Variants in SEM1 observed in about 807,000 individuals in gnomAD.
SEM1 encodes the protein 26S proteasome complex subunit SEM1.
Under a neutral mutation model 12.7 loss-of-function variants are expected in SEM1, and 3 were observed. The ratio of observed to expected loss-of-function variants is 0.24; its 90% confidence interval spans 0.11 to 0.61. The LOEUF (loss-of-function observed/expected upper bound fraction) is 0.61, where lower values mean the gene tolerates loss of function less well. Ranked by LOEUF, SEM1 falls within the 20% of genes least tolerant of loss-of-function variation. SEM1 has a pLI of 0.88. For missense variants in SEM1, 59 were observed against 81.3 expected, an observed-to-expected ratio of 0.73 and a Z score of 1.06; for synonymous variants, 30 against 27.8, an observed-to-expected ratio of 1.08 and a Z score of -0.25.
chr7:96,582,838 T>G (rs1448743792), intron 2 of SEM1, among the ~76,000 whole-genome samples: 1 of 151,420 alleles, frequency 6.6e-6, no homozygotes, highest in Admixed American at 6.6e-5. Context: ...TCATTTTTTA[T>G]TGCGTCTATT....
chr7:96,659,149 C>A (rs752659149), intron 2 of SEM1, among the ~76,000 whole-genome samples: 1 of 151,984 alleles, frequency 6.6e-6, no homozygotes, highest in Non-Finnish European at 1.5e-5. Context: ...TATGAACTCA[C>A]AAACACAGGA....
At chr7:96,614,134 T>C (rs949363820) in intron 2 of SEM1, among the ~76,000 whole-genome samples, 6 of 152,210 alleles carry the variant, frequency 3.9e-5, no homozygotes, top group Admixed American at 2.0e-4. Flanking sequence ...CTGGGTAACA[T>C]TCTTATCTGT....
intron 3 of SEM1, among the ~76,000 whole-genome samples, chr7:96,506,446 T>A (rs548450724): frequency 6.6e-6 from 1 of 152,286 alleles, no homozygotes; most frequent in East Asian, 1.9e-4. Flanking sequence ...TTGGTTATTA[T>A]ATATGTCAAA....
chr7:96,486,243 G>A (rs1239333637), exon 2 of SEM1: 2 of 1,536,754 alleles, frequency 1.3e-6, no homozygotes, highest in Middle Eastern at 1.7e-4. Context: ...CTGGAGTTGG[G>A]CATCTCCAAG....
chr7:96,589,501 G>A (rs1554657), intron 2 of SEM1, among the ~76,000 whole-genome samples: 1 of 152,008 alleles, frequency 6.6e-6, no homozygotes, highest in Non-Finnish European at 1.5e-5. Flanking sequence ...GCACCTGGCA[G>A]TCCCTGTGTG....
At chr7:96,511,312 G>A (rs566400051) in intron 2 of SEM1, among the ~76,000 whole-genome samples, 4 of 152,080 alleles carry the variant, frequency 2.6e-5, no homozygotes, top group African/African-American at 9.7e-5. Flanking sequence ...TAGTCCAATC[G>A]AGTGGAGAGA....
At chr7:96,694,936 T>C (rs113092695) in intron 1 of SEM1, 45 bp from the exon 2 acceptor site, 2 of 1,395,392 alleles carry the variant, frequency 1.4e-6, no homozygotes, top group South Asian at 2.4e-5. Flanking sequence ...TCATACATTA[T>C]TTCCACAATT....
At chr7:96,682,642 A>T (rs933569922) in intron 2 of SEM1, among the ~76,000 whole-genome samples, 1 of 152,064 alleles carries the variant, frequency 6.6e-6, no homozygotes, top group Non-Finnish European at 1.5e-5. Context: ...AACACCAAAG[A>T]AATGGCAACA....
chr7:96,552,202 T>TG (rs1156603111), intron 2 of SEM1, among the ~76,000 whole-genome samples: 1 of 151,362 alleles, frequency 6.6e-6, no homozygotes, highest in Non-Finnish European at 1.5e-5. Flanking sequence ...TCTCTTTTTT[T>TG]TATTATACTT....
chr7:96,643,134 G>A (rs1193124307), intron 2 of SEM1, among the ~76,000 whole-genome samples: 3 of 151,898 alleles, frequency 2.0e-5, no homozygotes, highest in South Asian at 2.1e-4. Flanking sequence ...CCCAGTGTGT[G>A]TTGTTCCCAC....
At chr7:96,661,971 A>G (rs1030482512) in intron 2 of SEM1, among the ~76,000 whole-genome samples, 1 of 147,656 alleles carries the variant, frequency 6.8e-6, no homozygotes. Flanking sequence ...CTAGGCAACA[A>G]GAGCAAAACT....
At chr7:96,583,573 G>A (rs575363791) in intron 2 of SEM1, among the ~76,000 whole-genome samples, 1 of 150,048 alleles carries the variant, frequency 6.7e-6, no homozygotes, top group East Asian at 2.0e-4. Flanking sequence ...ACAGTGGTGT[G>A]TTAAAGTCTC....
intron 2 of SEM1, among the ~76,000 whole-genome samples, chr7:96,643,540 G>T (rs1448793668): frequency 6.6e-6 from 1 of 151,920 alleles, no homozygotes; most frequent in Non-Finnish European, 1.5e-5. Flanking sequence ...CAATAGAAAA[G>T]ACTTGGAACC....
chr7:96,636,481 G>C (rs973421440), intron 2 of SEM1, among the ~76,000 whole-genome samples: 5 of 151,960 alleles, frequency 3.3e-5, no homozygotes, highest in African/African-American at 1.2e-4. Flanking sequence ...CTTCAGTGAA[G>C]TTAGAAATGG....
At position 96,673,787 on chromosome 7, in the gene SEM1, T is replaced by C. The variant is rs190186367; in HGVS notation, c.243A>G (p.Arg81=). Reference sequence around the variant, plus strand: ...AACAGCAGAGGAAAGCACTGCACATTCTTCCCTTTTGGTGGAGAACATAGC... The same window carrying C: ...AACAGCAGAGGAAAGCACTGCACATCCTTCCCTTTTGGTGGAGAACATAGC... The change falls in exon 3 of 3, where the codon AGA becomes AGG. Residue 81 remains arginine, a synonymous_variant. Coordinates refer to the SEM1 transcript ENST00000413065. The C allele has an allele frequency of 2.4e-4, 186 of 765,262 alleles. 1 individual carries two copies. The highest frequency in any genetic ancestry group is 1.8e-3 in the Middle Eastern group (8 of 4,440). 47.4% of individuals were successfully genotyped at this position (765,262 alleles called of 1,614,324 possible). A position where few individuals can be genotyped will look rare whatever the true frequency, so the allele number is the denominator to read the frequency against.
intron 1 of SEM1, among the ~76,000 whole-genome samples, chr7:96,704,754 C>A (rs1377898851): frequency 2.6e-5 from 4 of 152,140 alleles, no homozygotes; most frequent in Non-Finnish European, 5.9e-5. Context: ...CTTTTTGGCA[C>A]TAGGTAAACT....
intron 3 of SEM1, among the ~76,000 whole-genome samples, chr7:96,504,677 A>G (rs757201810): frequency 6.6e-6 from 1 of 152,124 alleles, no homozygotes; most frequent in Non-Finnish European, 1.5e-5. Flanking sequence ...ACCTAAAAAC[A>G]TCGAGCAATT....
intron 2 of SEM1, among the ~76,000 whole-genome samples, chr7:96,522,727 C>CA (rs1804319756): frequency 8.0e-6 from 1 of 124,660 alleles, no homozygotes; most frequent in Non-Finnish European, 1.8e-5. Context: ...AAAATACCCC[C>CA]CCCCCAAAAA....
intron 2 of SEM1, among the ~76,000 whole-genome samples, chr7:96,615,964 G>T (rs939041525): frequency 1.4e-4 from 21 of 152,168 alleles, no homozygotes; most frequent in African/African-American, 5.1e-4. Flanking sequence ...CACTTAGGTT[G>T]ATTTGATATC....
Sources: gnomAD v4.1 joint callset for allele counts (sites outside exome capture counted in the v4.1 genomes callset) on GRCh38, gnomAD v4.1.1 for gene constraint, MANE v1.5 for transcripts, NCBI Gene and HGNC (gene_info 2026-07-23, HGNC 2026-07-21) for gene names.